The following ANO9 variants were observed in gnomAD, a reference collection of about 807,000 sequenced individuals.
ANO9 encodes the protein anoctamin-9.
A neutral mutation model predicts 100.5 loss-of-function variants in ANO9; 80 were observed. The observed-to-expected ratio is 0.80, with a 90% CI of 0.66 to 0.96. The LOEUF (loss-of-function observed/expected upper bound fraction) is 0.96. Ranked by LOEUF, ANO9 falls within the 40% of genes least tolerant of loss-of-function variation. The pLI, the probability that ANO9 is intolerant of heterozygous loss-of-function variation, is 0.00. For synonymous variants in ANO9, 473 were observed against 435.6 expected, an observed-to-expected ratio of 1.09 and a Z score of -1.07; for missense variants, 1,064 against 1,072.7, an observed-to-expected ratio of 0.99 and a Z score of 0.11.
At position 418,285 on chromosome 11, in the gene ANO9, C is replaced by CCTCA; in HGVS notation, c.*82_*85dup. ...ATGGGCACAGCCTTCTCACAGCACC[C>CCTCA]CTCAACACGCACAGCGGTGGGCTTG... On this transcript the variant is annotated 3_prime_UTR_variant, in exon 23 of 23. Coordinates refer to ENST00000332826, the MANE Select transcript of ANO9 (RefSeq NM_001012302.3). 3.0e-6 allele frequency: 4 copies of CCTCA among 1,335,854 alleles called. No individual in the cohort carries two copies. The highest frequency in any genetic ancestry group is 4.0e-6 in the Non-Finnish European group (4 of 991,528). The allele number at this position is 1,335,854 out of a possible 1,614,324, so 82.8% of individuals were successfully genotyped here.
Position 418,476 on chromosome 11 carries a change from C to G in ANO9, c.2244G>C (p.Trp748Cys). The change falls in exon 23 of 23, where the codon TGG becomes TGC. Residue 748 changes from tryptophan (W) to cysteine (C), a missense_variant. Coordinates refer to ENST00000332826, the MANE Select transcript of ANO9 (RefSeq NM_001012302.3). ...CCCCACCCAGCCTCTGCCTTCCATG[C>G]CACATCTTCTCACGCAGCCTCTGGT... ...VKYQRLREKM[W>C]HGRQRLGGVG... 1 of 1,613,084 alleles carries G rather than the reference C, an allele frequency of 6.2e-7. No individual in the cohort carries two copies.
At position 441,968 on chromosome 11, in the gene ANO9, G is replaced by A. The variant is rs139551908; in HGVS notation, c.-42C>T. Reference sequence around the variant, plus strand: ...GTTCCAGCTGGGGTTTGGCGGCCAGGAGAGTGGCTGCCAGCGGCGGGTGCT... The same window carrying A: ...GTTCCAGCTGGGGTTTGGCGGCCAGAAGAGTGGCTGCCAGCGGCGGGTGCT... On this transcript the variant is annotated 5_prime_UTR_variant, in exon 1 of 23. Transcript: ENST00000332826. The A allele has an allele frequency of 1.3e-6, 2 of 1,599,914 alleles. No homozygotes were observed. Among genetic ancestry groups the A allele is most frequent in the African/African-American group, 1.3e-5 (1 of 74,866 alleles).
Position 418,994 on chromosome 11 carries a change from G to C in ANO9, c.1935-5C>G. 1 of 1,613,116 alleles carries C rather than the reference G, an allele frequency of 6.2e-7. No individual in the cohort carries two copies. The highest frequency in any genetic ancestry group is 8.5e-7 in the Non-Finnish European group (1 of 1,179,926). On this transcript the variant is annotated splice_region_variant and splice_polypyrimidine_tract_variant and intron_variant, in intron 20 of 22. Coordinates refer to ENST00000332826, the MANE Select transcript of ANO9 (RefSeq NM_001012302.3). ...TTGACGTAGCCCTTGAGGCAGCTGG[G>C]GAGAGGGGAGAGGAGTGTGGGGTGG...
chr11:419,404 C>T, intron 20 of ANO9, 178 bp downstream of exon 20: 1 of 1,426,860 alleles, frequency 7.0e-7, no homozygotes, highest in Non-Finnish European at 9.1e-7. Context: ...GACCTCCAGC[C>T]CAGGGCCTGC....
intron 15 of ANO9, among the ~76,000 whole-genome samples, chr11:426,390 G>A (rs1380477094): frequency 1.3e-5 from 2 of 152,010 alleles, no homozygotes; most frequent in Non-Finnish European, 2.9e-5. Flanking sequence ...TGGGCAACAT[G>A]GCAAAACCCC....
In ANO9 at chr11:432,124, C is replaced by G; in HGVS notation, c.351-70G>C. 2 of 1,557,810 alleles carry G rather than the reference C, an allele frequency of 1.3e-6. No homozygotes were observed. Among genetic ancestry groups the G allele is most frequent in the African/African-American group, 1.4e-5 (1 of 73,888 alleles). ...CTGCCTCCAGGTCTCAACCTGCCCTCTGGTCTGGCCAGGCCCAGGCCCCTC... is the reference window on the plus strand; with the variant it reads ...CTGCCTCCAGGTCTCAACCTGCCCTGTGGTCTGGCCAGGCCCAGGCCCCTC... On this transcript the variant is annotated intron_variant, in intron 4 of 22. Transcript: ENST00000332826. This position sits in a 1 kb window ranked among gnomAD's most constrained non-coding sequence, Gnocchi z 4.8.
intron 1 of ANO9, among the ~76,000 whole-genome samples, chr11:434,779 C>T (rs1202007870): frequency 2.0e-5 from 3 of 152,318 alleles, no homozygotes; most frequent in African/African-American, 7.2e-5. Context: ...TCCCAGCAGA[C>T]ACAGGGACAC....
Position 429,605 on chromosome 11 carries a change from G to A in ANO9, c.880C>T (p.Leu294=), listed in dbSNP as rs972112653. The A allele has an allele frequency of 1.9e-6, 3 of 1,612,616 alleles. No individual in the cohort carries two copies. The South Asian group carries it at 3.3e-5, about 18-fold the overall frequency. The part of the protein sequence containing the change: ...IWKRQRARVV[L]HWDLYVWDEE... ...TCCCACACGTACAGGTCCCAGTGCAGGACCACGCGGGCGCGCTGCCGCTTC... is the reference window on the plus strand; with the variant it reads ...TCCCACACGTACAGGTCCCAGTGCAAGACCACGCGGGCGCGCTGCCGCTTC... The change falls in exon 11 of 23, where the codon CTG becomes TTG. Residue 294 remains leucine (L), a synonymous_variant. Coordinates refer to ENST00000332826, the MANE Select transcript of ANO9 (RefSeq NM_001012302.3).
chr11:430,789 G>A (rs1257146032), intron 7 of ANO9, among the ~76,000 whole-genome samples: 1 of 85,256 alleles, frequency 1.2e-5, no homozygotes, highest in African/African-American at 5.1e-5. Context: ...TGGGTGGTGT[G>A]TGTGGATGTC....
At chr11:439,219 G>A (rs7479086) in intron 1 of ANO9, among the ~76,000 whole-genome samples, 86,902 of 152,260 alleles carry the variant, frequency 0.57, 25,012 homozygotes, top group Middle Eastern at 0.67. Flanking sequence ...AGGGCCCCAG[G>A]GAGTTTGTGG....
At chr11:429,954 C>T (rs1590464129) in intron 9 of ANO9, 129 bp downstream of exon 9, 1 of 1,291,826 alleles carries the variant, frequency 7.7e-7, no homozygotes, top group East Asian at 2.5e-5. Flanking sequence ...TGGGGCTGGG[C>T]CTCCCCGTCA....
intron 15 of ANO9, among the ~76,000 whole-genome samples, chr11:423,665 G>A (rs1010393288): frequency 1.3e-5 from 2 of 151,662 alleles, no homozygotes; most frequent in African/African-American, 2.4e-5. Flanking sequence ...AAACCACCAC[G>A]CCCAACTAAT....
At chr11:419,496 C>T in intron 20 of ANO9, 86 bp downstream of exon 20, 1 of 1,537,804 alleles carries the variant, frequency 6.5e-7, no homozygotes, top group Non-Finnish European at 8.8e-7. Context: ...CCAGCCATTC[C>T]CAGGAGAAAG....
chr11:428,121 G>A lies in ANO9; in HGVS notation c.1301C>T (p.Ser434Leu), dbSNP rs766399672. 61 of 1,610,576 alleles carry A rather than the reference G, an allele frequency of 3.8e-5. No individual in the cohort carries two copies. In the Admixed American group the frequency reaches 7.0e-4, roughly 19 times the overall value. Residue 434 changes from serine (S) to leucine (L), a missense_variant, in exon 15 of 23, where the codon TCG becomes TTG. Ser to Leu is a moderately radical substitution (Grantham distance 145). Transcript: ENST00000332826. ...FFTLQFFTHF[S>L]SLIYIAFILG... is the part of the protein sequence containing the mutation. ...GATGAAGGCGATGTAGATGAGAGAC[G>A]AGAAATGGGTGAAGAACTGCAGTGT...
In ANO9 at chr11:432,002, C is replaced by G; in HGVS notation, c.403G>C (p.Gly135Arg). 2.5e-6 allele frequency: 4 copies of G among 1,613,108 alleles called. No homozygotes were observed. Among genetic ancestry groups the G allele is most frequent in the Non-Finnish European group, 3.4e-6 (4 of 1,179,770 alleles). Reference sequence around the variant, plus strand: ...AGTGCCCCACCCCTGCCCTTACCACCAGCCGAGGTCTTGTTGTTCATGACA... The same window carrying G: ...AGTGCCCCACCCCTGCCCTTACCACGAGCCGAGGTCTTGTTGTTCATGACA... ...FVVMNNKTSA[G>R]ETFEDLMKDG... The change falls in exon 5 of 23, where the codon GGT (glycine) becomes CGT (arginine). Residue 135 changes from glycine to arginine, a missense_variant. Transcript: ENST00000332826. This position sits in a 1 kb window ranked among gnomAD's most constrained non-coding sequence, Gnocchi z 4.8.
At chr11:424,503 G>C (rs185405647) in intron 15 of ANO9, among the ~76,000 whole-genome samples, 1 of 152,346 alleles carries the variant, frequency 6.6e-6, no homozygotes, top group African/African-American at 2.4e-5. Flanking sequence ...GGGCTACTGT[G>C]CAGATTAAAT....
chr11:424,384 T>C (rs1848373339), intron 15 of ANO9, among the ~76,000 whole-genome samples: 1 of 152,260 alleles, frequency 6.6e-6, no homozygotes. Context: ...TTGTGGTTTT[T>C]ATCTGTTCCG....
rs1225724640 is a variant in ANO9 at position 422,142 on chromosome 11, G to A, written c.1335-944C>T. ...TGGCATGAGAAAGTATCGGTCACCC[G>A]CAGACACCAGCACAAGTTATACCAT... is the stretch of plus-strand genomic sequence containing the variant. On this transcript the variant is annotated intron_variant, in intron 15 of 22. Coordinates refer to ENST00000332826, the MANE Select transcript of ANO9 (RefSeq NM_001012302.3). The surrounding 1 kb of genome is among the most constrained non-coding windows in gnomAD (Gnocchi z 4.3). 6.6e-6 allele frequency among the ~76,000 whole-genome samples: 1 copy of A among 152,150 alleles called. No individual in the cohort carries two copies. The highest frequency in any genetic ancestry group is 2.4e-5 in the African/African-American group (1 of 41,416).
chr11:423,148 A>T (rs1848295289), intron 15 of ANO9, among the ~76,000 whole-genome samples: 1 of 152,200 alleles, frequency 6.6e-6, no homozygotes, highest in South Asian at 2.1e-4. Flanking sequence ...AATTTTTGGC[A>T]ATTTGACAAA....
Sources: gnomAD v4.1 joint callset for allele counts (sites outside exome capture counted in the v4.1 genomes callset) on GRCh38, gnomAD v4.1.1 for gene constraint, Gnocchi (gnomAD v3.1) non-coding constraint, MANE v1.5 for transcripts, NCBI Gene and HGNC (gene_info 2026-07-23, HGNC 2026-07-21) for gene names.